PREP: variants seen among roughly 807,000 people sequenced by gnomAD.
The protein encoded by PREP is dJ355L5.1 (prolyl endopeptidase).
Under a neutral mutation model 87.6 loss-of-function variants are expected in PREP, and 29 were observed. The ratio of observed to expected loss-of-function variants is 0.33; its 90% confidence interval spans 0.25 to 0.45. PREP has a LOEUF of 0.45. PREP is among the 20% of genes least tolerant of loss of function. PREP has a pLI of 1.00. For missense variants in PREP, 695 were observed against 886.5 expected (o/e 0.78, Z 2.74); for synonymous variants, 337 against 328.6 (o/e 1.03, Z -0.28).
chr6:105,296,904 A>C (rs1770423505), intron 10 of PREP, among the ~76,000 whole-genome samples: 1 of 152,202 alleles, frequency 6.6e-6, no homozygotes, highest in Non-Finnish European at 1.5e-5. Context: ...TGCTCTATGC[A>C]AAGGACCTCC....
intron 6 of PREP, among the ~76,000 whole-genome samples, chr6:105,365,226 GAC>G (rs1772357480): frequency 6.6e-6 from 1 of 152,228 alleles, no homozygotes; most frequent in African/African-American, 2.4e-5. Flanking sequence ...CGCCCTGGGT[GAC>G]AGAGTGGGAT....
chr6:105,383,615 C>G (rs141199312), intron 2 of PREP, among the ~76,000 whole-genome samples: 71 of 152,254 alleles, frequency 4.7e-4, no homozygotes, highest in African/African-American at 1.7e-3. Flanking sequence ...TGCACATGAT[C>G]AGCAGACTAG....
chr6:105,356,608 G>C (rs904766771), intron 6 of PREP, among the ~76,000 whole-genome samples: 1 of 152,128 alleles, frequency 6.6e-6, no homozygotes. Context: ...GTGAGACTAC[G>C]ATACTCTGAG....
intron 4 of PREP, among the ~76,000 whole-genome samples, chr6:105,374,868 C>T (rs966943515): frequency 6.6e-6 from 1 of 151,924 alleles, no homozygotes; most frequent in Non-Finnish European, 1.5e-5. Context: ...AATTTAGCTT[C>T]TCGCCCATCA....
chr6:105,365,150 G>T (rs926513585), intron 6 of PREP, among the ~76,000 whole-genome samples: 4 of 152,206 alleles, frequency 2.6e-5, no homozygotes, highest in African/African-American at 9.7e-5. Context: ...GGGAGGCTGA[G>T]GCAAGAGAAT....
At chr6:105,398,138 G>C (rs13437513) in intron 1 of PREP, among the ~76,000 whole-genome samples, 2,155 of 152,284 alleles carry the variant, frequency 0.014, 58 homozygotes, top group African/African-American at 0.048. Context: ...GTTTCAGCTA[G>C]AGAGGAAAGA....
intron 10 of PREP, among the ~76,000 whole-genome samples, chr6:105,293,140 T>C (rs1019165383): frequency 6.6e-6 from 1 of 152,236 alleles, no homozygotes; most frequent in Non-Finnish European, 1.5e-5. Context: ...ACAACTTGGG[T>C]AACTTGTACT....
chr6:105,341,499 C>T lies in PREP; in HGVS notation c.824-7994G>A, dbSNP rs558637984. Among the ~76,000 whole-genome samples the T allele has an allele frequency of 1.6e-3, 245 of 152,186 alleles. 2 individuals are homozygous for T. Among genetic ancestry groups the T allele is most frequent in the African/African-American group, 5.7e-3 (236 of 41,516 alleles). On this transcript the variant is annotated intron_variant, in intron 7 of 14. Coordinates refer to ENST00000652536, the MANE Select transcript of PREP (RefSeq NM_002726.5). ...AGAACTAGAGAAGCTAGAGCAAACA[C>T]ATTCAAAAGCTAGCAGAAGGCAAGA...
intron 10 of PREP, among the ~76,000 whole-genome samples, chr6:105,305,794 T>G (rs935240374): frequency 1.1e-4 from 17 of 152,290 alleles, no homozygotes; most frequent in African/African-American, 3.8e-4. Flanking sequence ...GCATATTCCT[T>G]TGTTTCTAAA....
At chr6:105,398,684 A>G (rs1773347504) in intron 1 of PREP, among the ~76,000 whole-genome samples, 3 of 152,184 alleles carry the variant, frequency 2.0e-5, no homozygotes, top group Admixed American at 2.0e-4. Flanking sequence ...GCCTGGCCTT[A>G]GAAGCCACTT....
Position 105,348,376 on chromosome 6 carries a change from G to A in PREP, c.823+4596C>T, listed in dbSNP as rs574634648. ...AGCACAAGGATCCCTAAAGGGACAC[G>A]TCATTCGAGACAAGCTGGTACACAC... is the stretch of plus-strand genomic sequence containing the variant. On this transcript the variant is annotated intron_variant, in intron 7 of 14. Coordinates refer to ENST00000652536, the MANE Select transcript of PREP (RefSeq NM_002726.5). Among the ~76,000 whole-genome samples the A allele has an allele frequency of 1.1e-4, 17 of 152,286 alleles. No individual in the cohort carries two copies. In the South Asian group the frequency reaches 2.1e-3, roughly 19 times the overall value.
intron 10 of PREP, among the ~76,000 whole-genome samples, chr6:105,315,103 C>T (rs1254509303): frequency 2.0e-5 from 3 of 152,228 alleles, no homozygotes; most frequent in Non-Finnish European, 4.4e-5. Context: ...GATGTGCTGT[C>T]ATCCAGGCCA....
intron 8 of PREP, among the ~76,000 whole-genome samples, chr6:105,331,315 C>T (rs1027674359): frequency 6.6e-6 from 1 of 151,582 alleles, no homozygotes; most frequent in Non-Finnish European, 1.5e-5. Flanking sequence ...ATATCACCCC[C>T]CCAACAAAAT....
intron 9 of PREP, among the ~76,000 whole-genome samples, chr6:105,327,596 G>T (rs890928937): frequency 6.6e-6 from 1 of 152,174 alleles, no homozygotes; most frequent in African/African-American, 2.4e-5. Context: ...AAATAACAGT[G>T]ATGAGACATC....
In PREP at chr6:105,278,228, C is replaced by T. The variant is rs1427105360; in HGVS notation, c.2049G>A (p.Gly683=). The T allele has an allele frequency of 2.5e-6, 4 of 1,614,234 alleles. No individual in the cohort carries two copies. The highest frequency in any genetic ancestry group is 3.4e-6 in the Non-Finnish European group (4 of 1,180,048). ...HVDTKAGHGA[G]KPTAKVIEEV... ...CCTCTATCACTTTGGCTGTGGGCTT[C>T]CCCGCCCCGTGGCCCGCCTTGGTGT... is the stretch of plus-strand genomic sequence containing the variant. The change falls in exon 15 of 15, where the codon GGG becomes GGA. Residue 683 remains glycine, a synonymous_variant. Transcript: ENST00000652536. The surrounding 1 kb of genome is among the most constrained non-coding windows in gnomAD (Gnocchi z 4.2).
intron 10 of PREP, among the ~76,000 whole-genome samples, chr6:105,291,284 T>C (rs1157856554): frequency 1.3e-5 from 2 of 152,230 alleles, no homozygotes; most frequent in Non-Finnish European, 1.5e-5. Context: ...CAATGAAGTA[T>C]GCCACAATGA....
intron 10 of PREP, among the ~76,000 whole-genome samples, chr6:105,318,680 C>T (rs535991571): frequency 7.9e-5 from 12 of 152,242 alleles, no homozygotes; most frequent in African/African-American, 2.6e-4. Flanking sequence ...CAGCAAGAAC[C>T]GATACCAATT....
intron 6 of PREP, among the ~76,000 whole-genome samples, chr6:105,358,520 A>G (rs1469598887): frequency 6.6e-6 from 1 of 152,194 alleles, no homozygotes; most frequent in Non-Finnish European, 1.5e-5. Context: ...TGGGCTAAAT[A>G]ACATTTGGTC....
At chr6:105,303,833 T>C (rs1000971592) in intron 10 of PREP, among the ~76,000 whole-genome samples, 16 of 152,242 alleles carry the variant, frequency 1.1e-4, no homozygotes, top group South Asian at 2.1e-4. Flanking sequence ...AAAGTTTCCA[T>C]ACATTTAAAA....
Sources: allele counts gnomAD v4.1 joint callset (sites outside exome capture counted in the v4.1 genomes callset), GRCh38; gene constraint gnomAD v4.1.1; non-coding constraint Gnocchi (gnomAD v3.1); transcripts MANE v1.5; gene names NCBI Gene and HGNC (gene_info 2026-07-23, HGNC 2026-07-21).